RAI14: variants seen among roughly 807,000 people sequenced by gnomAD.
RAI14 encodes the protein retinoic acid induced 14.
A neutral mutation model predicts 115.4 loss-of-function variants in RAI14; 45 were observed. The ratio of observed to expected loss-of-function variants is 0.39; its 90% confidence interval spans 0.31 to 0.50. RAI14 has a LOEUF of 0.50. Among genes scored for constraint, RAI14 ranks in the 20% least tolerant of loss-of-function variants. RAI14 has a pLI of 0.85. For missense variants in RAI14, 939 were observed against 1,131.2 expected (o/e 0.83, Z 2.44); for synonymous variants, 371 against 415.4 (o/e 0.89, Z 1.30).
intron 2 of RAI14, among the ~76,000 whole-genome samples, chr5:34,700,598 C>T (rs574966870): frequency 3.3e-5 from 5 of 152,308 alleles, no homozygotes; most frequent in Admixed American, 2.0e-4. Flanking sequence ...CCTCTCTGTT[C>T]AGCATTTACC....
chr5:34,783,903 C>A (rs972723552), intron 3 of RAI14, among the ~76,000 whole-genome samples: 4 of 152,182 alleles, frequency 2.6e-5, no homozygotes, highest in Admixed American at 1.3e-4. Flanking sequence ...TTAACACAGG[C>A]AGAAGACTCT....
rs72732803 is a variant in RAI14 at position 34,807,636 on chromosome 5, C to G, written c.322-164C>G. On this transcript the variant is annotated intron_variant, in intron 5 of 17. Transcript: ENST00000265109. Reference sequence around the variant, plus strand: ...TGCCCATCCCAAAGACATGAGTCTCCTTCCCCATAGGAGACTGTAGGCCCC... The same window carrying G: ...TGCCCATCCCAAAGACATGAGTCTCGTTCCCCATAGGAGACTGTAGGCCCC... Among the ~76,000 whole-genome samples the G allele has an allele frequency of 6.8e-3, 1,039 of 152,236 alleles. 7 individuals carry two copies. The highest frequency in any genetic ancestry group is 9.8e-3 in the Non-Finnish European group (665 of 68,020).
intron 3 of RAI14, among the ~76,000 whole-genome samples, chr5:34,775,455 A>G (rs1750717667): frequency 6.6e-6 from 1 of 152,180 alleles, no homozygotes; most frequent in Non-Finnish European, 1.5e-5. Context: ...CAAAAGGTAC[A>G]GTTGCAGTGG....
At chr5:34,739,523 A>G (rs572413668) in intron 2 of RAI14, among the ~76,000 whole-genome samples, 21 of 152,334 alleles carry the variant, frequency 1.4e-4, no homozygotes, top group Admixed American at 1.2e-3. Context: ...GAAACTGTCA[A>G]GATAATAACA....
intron 2 of RAI14, among the ~76,000 whole-genome samples, chr5:34,737,809 A>G (rs964265740): frequency 6.6e-6 from 1 of 152,170 alleles, no homozygotes; most frequent in African/African-American, 2.4e-5. Context: ...TGGATTCCTC[A>G]ATCTGCTCTT....
intron 3 of RAI14, among the ~76,000 whole-genome samples, chr5:34,777,580 G>A (rs1363234696): frequency 2.0e-5 from 3 of 152,160 alleles, no homozygotes; most frequent in African/African-American, 7.2e-5. Context: ...AGGAGTTTGA[G>A]ACCAGCCTGA....
At chr5:34,682,783 A>G (rs189489554) in intron 1 of RAI14, among the ~76,000 whole-genome samples, 1 of 152,352 alleles carries the variant, frequency 6.6e-6, no homozygotes, top group East Asian at 1.9e-4. Context: ...CTTTTTCCAT[A>G]GATGCATGAT....
chr5:34,781,072 G>A (rs1232835235), intron 3 of RAI14, among the ~76,000 whole-genome samples: 1 of 152,006 alleles, frequency 6.6e-6, no homozygotes, highest in African/African-American at 2.4e-5. Context: ...CCTTTGTAGG[G>A]ACATGGATGA....
intron 1 of RAI14, among the ~76,000 whole-genome samples, chr5:34,664,226 C>T (rs1380333234): frequency 1.5e-4 from 22 of 151,512 alleles, no homozygotes; most frequent in Non-Finnish European, 1.5e-5. Context: ...ACAGTGGCTG[C>T]TGCCTGTAAT....
At chr5:34,681,462 C>T (rs986331439) in intron 1 of RAI14, among the ~76,000 whole-genome samples, 1 of 152,064 alleles carries the variant, frequency 6.6e-6, no homozygotes, top group African/African-American at 2.4e-5. Context: ...GCTGAGAATT[C>T]TGTAGATGTA....
intron 1 of RAI14, among the ~76,000 whole-genome samples, chr5:34,669,647 T>C (rs1238045242): frequency 2.6e-5 from 4 of 152,190 alleles, no homozygotes; most frequent in Non-Finnish European, 5.9e-5. Flanking sequence ...CTGGGTGATG[T>C]TTTTCAGGAT....
At chr5:34,707,453 C>A (rs181041522) in intron 2 of RAI14, among the ~76,000 whole-genome samples, 2 of 152,150 alleles carry the variant, frequency 1.3e-5, no homozygotes, top group South Asian at 4.1e-4. Context: ...GGCGACAGAG[C>A]GAGACTCCGT....
chr5:34,822,338 G>A (rs1258086281), intron 14 of RAI14, among the ~76,000 whole-genome samples: 1 of 148,872 alleles, frequency 6.7e-6, no homozygotes, highest in Non-Finnish European at 1.5e-5. Flanking sequence ...AGAAATGGCT[G>A]TACCAAAAAA....
rs769385277 is a variant in RAI14, at chr5:34,686,872, G to A, written c.-48G>A. 5 of 1,589,648 alleles carry A rather than the reference G, an allele frequency of 3.1e-6. No individual in the cohort carries two copies. Among genetic ancestry groups the A allele is most frequent in the African/African-American group, 1.3e-5 (1 of 74,340 alleles). ...ATATGTCCTTTTTTTCTCTGCTTAG[G>A]TGTTGAAAAGTCTCCTCTAGAGCTT... is the stretch of plus-strand genomic sequence containing the variant. On this transcript the variant is annotated splice_region_variant and 5_prime_UTR_variant, in exon 2 of 18. The change creates a new upstream start codon in the 5' untranslated region. Transcript: ENST00000265109.
chr5:34,801,148 A>G (rs914242617), intron 4 of RAI14, among the ~76,000 whole-genome samples: 5 of 152,224 alleles, frequency 3.3e-5, no homozygotes, highest in South Asian at 4.1e-4. Context: ...TCTTACTTCC[A>G]AGAATCTCTC....
chr5:34,780,211 C>A (rs1751435408), intron 3 of RAI14, among the ~76,000 whole-genome samples: 1 of 152,166 alleles, frequency 6.6e-6, no homozygotes, highest in Non-Finnish European at 1.5e-5. Context: ...ACACCCTATA[C>A]AAAAATTAAT....
chr5:34,819,994 G>C (rs1251361047), intron 13 of RAI14, among the ~76,000 whole-genome samples: 2 of 152,094 alleles, frequency 1.3e-5, no homozygotes, highest in East Asian at 3.9e-4. Flanking sequence ...ACCATTCACT[G>C]TATCTTAGAA....
At chr5:34,660,061 A>G (rs973306275) in intron 1 of RAI14, among the ~76,000 whole-genome samples, 2 of 152,062 alleles carry the variant, frequency 1.3e-5, no homozygotes, top group Admixed American at 6.5e-5. Flanking sequence ...CTGTGGTCCT[A>G]GCTACTCAGG....
chr5:34,824,804 C>T (rs459014), intron 15 of RAI14, among the ~76,000 whole-genome samples: 6 of 151,874 alleles, frequency 4.0e-5, no homozygotes, highest in African/African-American at 1.2e-4. Context: ...ATTAGCTGGG[C>T]GTGGTGGCAC....
Sources: gnomAD v4.1 joint callset for allele counts (sites outside exome capture counted in the v4.1 genomes callset) on GRCh38, gnomAD v4.1.1 for gene constraint, MANE v1.5 for transcripts, NCBI Gene and HGNC (gene_info 2026-07-23, HGNC 2026-07-21) for gene names.